Variants in ITCH observed in about 807,000 individuals in gnomAD.
ITCH encodes E3 ubiquitin-protein ligase Itchy homolog.
Under a neutral mutation model 126.8 loss-of-function variants are expected in ITCH, and 28 were observed. The observed-to-expected ratio is 0.22, with a 90% CI of 0.16 to 0.30. The LOEUF (loss-of-function observed/expected upper bound fraction) is 0.30. Among genes scored for constraint, ITCH ranks in the 10% least tolerant of loss-of-function variants. The pLI, the probability that ITCH is intolerant of heterozygous loss-of-function variation, is 1.00. For missense variants in ITCH, 631 were observed against 1,032.4 expected (o/e 0.61, Z 5.33); for synonymous variants, 342 against 340.0 (o/e 1.01, Z -0.06).
At chr20:34,456,081 T>C (rs1985875244) in intron 12 of ITCH, among the ~76,000 whole-genome samples, 1 of 149,722 alleles carries the variant, frequency 6.7e-6, no homozygotes, top group African/African-American at 2.5e-5. Flanking sequence ...ATATTCCTTA[T>C]TTTGTATATA....
At chr20:34,432,922 G>A (rs950284252) in intron 7 of ITCH, among the ~76,000 whole-genome samples, 10 of 151,618 alleles carry the variant, frequency 6.6e-5, no homozygotes, top group East Asian at 1.9e-4. Flanking sequence ...ATGCCACTGC[G>A]TTCCAGGCTG....
intron 20 of ITCH, 112 bp downstream of exon 20, chr20:34,481,318 A>G: frequency 8.5e-7 from 1 of 1,173,410 alleles, no homozygotes; most frequent in Non-Finnish European, 1.2e-6. Context: ...CTCTGTACTA[A>G]TCAATATCCT....
intron 12 of ITCH, among the ~76,000 whole-genome samples, chr20:34,455,563 A>G (rs1371326413): frequency 6.6e-6 from 1 of 151,904 alleles, no homozygotes; most frequent in African/African-American, 2.4e-5. Flanking sequence ...CCCGGGTTCA[A>G]GCAGTTCTCC....
rs999618522 is a variant in ITCH, at chr20:34,511,160, CTTTG to C, written c.*3372_*3375del. ...TTTTTGTTTTTCTTTTAGTTATTTA[CTTTG>C]TTTGTATAATTTGCTTTCATTAACT... On this transcript the variant is annotated 3_prime_UTR_variant, in exon 25 of 25. Coordinates refer to ENST00000374864, the MANE Select transcript of ITCH (RefSeq NM_031483.7). 9 of 151,856 alleles carry C rather than the reference CTTTG, an allele frequency of 5.9e-5. No individual in the cohort carries two copies. Among genetic ancestry groups the C allele is most frequent in the East Asian group, 1.9e-4 (1 of 5,180 alleles). 9.4% of individuals were successfully genotyped at this position (151,856 alleles called of 1,614,324 possible). A position where few individuals can be genotyped will look rare whatever the true frequency, so the allele number is the denominator to read the frequency against.
intron 6 of ITCH, 116 bp from the exon 7 acceptor site, chr20:34,424,364 G>A: frequency 1.2e-6 from 1 of 809,580 alleles, no homozygotes; most frequent in Non-Finnish European, 2.1e-6. Flanking sequence ...GTTATAGTAT[G>A]TTCTTTATTA....
At position 34,393,880 on chromosome 20, in the gene ITCH, T is replaced by C. The variant is rs778408776; in HGVS notation, c.69T>C (p.Thr23=). ...SLTMKSQLQI[T]VISAKLKENK... The stretch of plus-strand genomic sequence containing the variant: ...CCATGAAATCACAGCTTCAGATCAC[T>C]GGTAAGTTTTAGAAACATCGGCTGC... Residue 23 remains threonine, a splice_region_variant and synonymous_variant, in exon 3 of 25, where the codon ACT becomes ACC. Coordinates refer to ENST00000374864, the MANE Select transcript of ITCH (RefSeq NM_031483.7). 1.2e-6 allele frequency: 2 copies of C among 1,613,014 alleles called. No homozygotes were observed. Among genetic ancestry groups the C allele is most frequent in the Non-Finnish European group, 1.7e-6 (2 of 1,178,988 alleles).
At chr20:34,450,546 A>G (rs553686910) in intron 12 of ITCH, among the ~76,000 whole-genome samples, 2 of 152,192 alleles carry the variant, frequency 1.3e-5, no homozygotes, top group Non-Finnish European at 2.9e-5. Context: ...GTTATGTAAT[A>G]CTCACAGCAT....
rs1019842674 is a variant in ITCH at position 34,387,581 on chromosome 20, G to A, written c.-21-6210G>A. On this transcript the variant is annotated intron_variant, in intron 2 of 24. Coordinates refer to ENST00000374864, the MANE Select transcript of ITCH (RefSeq NM_031483.7). ...AGGTGGTTGAGGCTGCAGTGAGCTCGATCACTCTAGCATAGGCAACAGAGC... is the reference window on the plus strand; with the variant it reads ...AGGTGGTTGAGGCTGCAGTGAGCTCAATCACTCTAGCATAGGCAACAGAGC... Among the ~76,000 whole-genome samples the A allele has an allele frequency of 5.4e-5, 8 of 147,320 alleles. 1 individual carries two copies. The highest frequency in any genetic ancestry group is 2.0e-4 in the Admixed American group (3 of 14,646).
intron 12 of ITCH, among the ~76,000 whole-genome samples, chr20:34,456,176 G>A (rs1985905012): frequency 2.9e-5 from 1 of 34,150 alleles, no homozygotes; most frequent in African/African-American, 2.3e-4. Context: ...GTGTGTGTGT[G>A]TGTGTGTGTA....
At chr20:34,492,401 TAAA>T in intron 22 of ITCH, 97 bp from the exon 23 acceptor site, 1 of 811,920 alleles carries the variant, frequency 1.2e-6, no homozygotes, top group Non-Finnish European at 2.0e-6. Flanking sequence ...ACCTCACCTC[TAAA>T]AAAAATAAAA....
intron 16 of ITCH, among the ~76,000 whole-genome samples, chr20:34,474,569 G>A (rs574234733): frequency 1.3e-5 from 2 of 152,300 alleles, no homozygotes; most frequent in East Asian, 1.9e-4. Flanking sequence ...ACTTCTTTCT[G>A]CACAGACACG....
chr20:34,368,897 C>T (rs2037516605), intron 1 of ITCH, among the ~76,000 whole-genome samples: 1 of 152,154 alleles, frequency 6.6e-6, no homozygotes, highest in Non-Finnish European at 1.5e-5. Flanking sequence ...GGTGTCTTCC[C>T]ATAATACGTA....
At chr20:34,404,773 A>T (rs2039000855) in intron 3 of ITCH, among the ~76,000 whole-genome samples, 1 of 152,204 alleles carries the variant, frequency 6.6e-6, no homozygotes, top group Middle Eastern at 3.4e-3. Context: ...ATAGGTATTG[A>T]TATTGAAATG....
intron 10 of ITCH, among the ~76,000 whole-genome samples, chr20:34,444,582 T>C (rs1984197703): frequency 6.6e-6 from 1 of 151,848 alleles, no homozygotes; most frequent in African/African-American, 2.4e-5. Context: ...AGGGAAACTC[T>C]GTCTCCAAAA....
intron 12 of ITCH, 38 bp from the exon 13 acceptor site, chr20:34,457,352 T>TA: frequency 7.4e-7 from 1 of 1,345,312 alleles, no homozygotes; most frequent in Non-Finnish European, 1.1e-6. Context: ...ATGCCAATGC[T>TA]AATGCTTTGC....
At chr20:34,476,736 T>A in intron 16 of ITCH, 1 of 207,804 alleles carries the variant, frequency 4.8e-6, no homozygotes, top group Non-Finnish European at 9.5e-6. Flanking sequence ...CCTCTCTGGA[T>A]ATTTAAGTGT....
At chr20:34,451,457 C>T (rs1336403435) in intron 12 of ITCH, among the ~76,000 whole-genome samples, 1 of 151,956 alleles carries the variant, frequency 6.6e-6, no homozygotes. Context: ...AAGACCCTGT[C>T]TCAAAAAAAA....
intron 7 of ITCH, among the ~76,000 whole-genome samples, chr20:34,433,333 A>G (rs1982578879): frequency 1.3e-5 from 2 of 152,188 alleles, no homozygotes; most frequent in South Asian, 4.1e-4. Context: ...TCAGCTTTCA[A>G]AATATTTGCA....
intron 20 of ITCH, among the ~76,000 whole-genome samples, chr20:34,485,491 G>A (rs190421958): frequency 2.0e-5 from 3 of 152,218 alleles, no homozygotes; most frequent in Admixed American, 6.5e-5. Context: ...TGTCAAGTAC[G>A]TTTTTCTATG....
Sources: allele counts gnomAD v4.1 joint callset (sites outside exome capture counted in the v4.1 genomes callset), GRCh38; gene constraint gnomAD v4.1.1; transcripts MANE v1.5; gene names NCBI Gene and HGNC (gene_info 2026-07-23, HGNC 2026-07-21).